CCSER1: variants seen among roughly 807,000 people sequenced by gnomAD.
CCSER1 encodes coiled-coil serine rich protein 1.
In CCSER1, 41 loss-of-function variants were observed where a neutral mutation model predicts 82.0. The observed-to-expected ratio is 0.50, with a 90% confidence interval of 0.39 to 0.65. The LOEUF (loss-of-function observed/expected upper bound fraction) is 0.65, where lower values mean the gene tolerates loss of function less well. Ranked by LOEUF, CCSER1 falls within the 30% of genes least tolerant of loss-of-function variation. CCSER1 has a pLI of 0.00. For synonymous variants in CCSER1, 414 were observed against 383.9 expected (o/e 1.08, Z -0.92); for missense variants, 1,119 against 1,064.2 (o/e 1.05, Z -0.72).
At chr4:90,170,857 A>G (rs1249308254) in intron 1 of CCSER1, among the ~76,000 whole-genome samples, 1 of 151,864 alleles carries the variant, frequency 6.6e-6, no homozygotes, top group Non-Finnish European at 1.5e-5. Flanking sequence ...TGACATACTG[A>G]TTTCCTTTCT....
intron 9 of CCSER1, among the ~76,000 whole-genome samples, chr4:91,044,769 G>A (rs180875672): frequency 1.3e-5 from 2 of 152,232 alleles, no homozygotes; most frequent in East Asian, 3.9e-4. Flanking sequence ...AGATCCACCT[G>A]TACATCTCAT....
At chr4:90,700,567 G>A (rs570345787) in intron 6 of CCSER1, among the ~76,000 whole-genome samples, 3 of 152,188 alleles carry the variant, frequency 2.0e-5, no homozygotes, top group Non-Finnish European at 4.4e-5. Flanking sequence ...TTGCCACACT[G>A]TCTTCCACAA....
chr4:91,109,171 G>A (rs986559451), intron 10 of CCSER1, among the ~76,000 whole-genome samples: 1 of 152,068 alleles, frequency 6.6e-6, no homozygotes, highest in African/African-American at 2.4e-5. Context: ...GAGGCCTTTG[G>A]ACTAGGACTG....
At chr4:90,997,398 A>G (rs996977903) in intron 9 of CCSER1, among the ~76,000 whole-genome samples, 1 of 152,134 alleles carries the variant, frequency 6.6e-6, no homozygotes, top group East Asian at 1.9e-4. Flanking sequence ...TCTTGTGAAC[A>G]CTTTGGATCC....
At chr4:91,533,656 G>A (rs1205883537) in intron 10 of CCSER1, among the ~76,000 whole-genome samples, 1 of 151,888 alleles carries the variant, frequency 6.6e-6, no homozygotes, top group African/African-American at 2.4e-5. Context: ...AATTGCTGGG[G>A]ACTTAAATTT....
chr4:90,403,936 A>G (rs1753320441), intron 4 of CCSER1: 2 of 152,186 alleles, frequency 1.3e-5, no homozygotes, highest in South Asian at 4.1e-4. Flanking sequence ...CTACCGCAGG[A>G]ACATACCAGG....
chr4:91,539,855 A>G (rs1761497704), intron 10 of CCSER1, among the ~76,000 whole-genome samples: 1 of 152,070 alleles, frequency 6.6e-6, no homozygotes. Context: ...CAGCTTATTG[A>G]ATCATTAGAG....
intron 8 of CCSER1, among the ~76,000 whole-genome samples, chr4:90,910,016 A>T (rs1357798819): frequency 6.6e-6 from 1 of 152,226 alleles, no homozygotes; most frequent in Non-Finnish European, 1.5e-5. Flanking sequence ...CCTAACAGGA[A>T]GCATGACTGG....
At chr4:91,140,698 C>T (rs1253191237) in intron 10 of CCSER1, among the ~76,000 whole-genome samples, 1 of 152,116 alleles carries the variant, frequency 6.6e-6, no homozygotes, top group African/African-American at 2.4e-5. Context: ...CATGTTTTTT[C>T]ACTGATTGCT....
chr4:91,497,362 A>G (rs1261499447), intron 10 of CCSER1, among the ~76,000 whole-genome samples: 2 of 151,762 alleles, frequency 1.3e-5, no homozygotes, highest in Non-Finnish European at 1.5e-5. Context: ...TAAAAAAAAT[A>G]CTGGTGCTAA....
In CCSER1 at chr4:90,524,539, G is replaced by T. The variant is rs184343998; in HGVS notation, c.1724+56185G>T. The stretch of plus-strand genomic sequence containing the variant: ...GCTGGAGTGCAGTGGTGTGATCTTG[G>T]CTCACTGCAACCTCAGCCTCCCAGG... On this transcript the variant is annotated intron_variant, in intron 5 of 10. Transcript: ENST00000509176. Among the ~76,000 whole-genome samples the T allele has an allele frequency of 5.3e-3, 802 of 152,190 alleles. 10 individuals carry two copies. The highest frequency in any genetic ancestry group is 0.019 in the African/African-American group (773 of 41,516).
chr4:91,465,303 T>C (rs113975662), intron 10 of CCSER1, among the ~76,000 whole-genome samples: 1,559 of 152,094 alleles, frequency 0.01, 11 homozygotes, highest in Middle Eastern at 0.02. Context: ...TTCTTTGAAA[T>C]CAATGGGAAC....
In CCSER1 at chr4:90,134,277, A is replaced by G. The variant is rs1460781798; in HGVS notation, c.-42+6446A>G. On this transcript the variant is annotated intron_variant, in intron 1 of 10. Coordinates refer to ENST00000509176, the MANE Select transcript of CCSER1 (RefSeq NM_001145065.2). Reference sequence around the variant, plus strand: ...AAACAGAGAAACTCTGAAGGAGTATATCTCCTCTTTCTTCCTAATTTAACC... The same window carrying G: ...AAACAGAGAAACTCTGAAGGAGTATGTCTCCTCTTTCTTCCTAATTTAACC... 2.6e-5 allele frequency among the ~76,000 whole-genome samples: 4 copies of G among 152,192 alleles called. No homozygotes were observed. In the East Asian group the frequency reaches 7.7e-4, roughly 29 times the overall value.
intron 10 of CCSER1, among the ~76,000 whole-genome samples, chr4:91,090,493 C>T (rs1388734506): frequency 6.6e-6 from 1 of 152,152 alleles, no homozygotes; most frequent in Non-Finnish European, 1.5e-5. Context: ...GACACCTAAG[C>T]CTTACTACAG....
intron 9 of CCSER1, among the ~76,000 whole-genome samples, chr4:91,031,258 A>G (rs1222896337): frequency 6.6e-6 from 1 of 152,128 alleles, no homozygotes; most frequent in East Asian, 1.9e-4. Context: ...TAAGCTTACA[A>G]ATTTATTAGG....
chr4:91,405,037 T>C (rs1752605140), intron 10 of CCSER1, among the ~76,000 whole-genome samples: 1 of 152,192 alleles, frequency 6.6e-6, no homozygotes, highest in African/African-American at 2.4e-5. Context: ...TGTAAGTCTC[T>C]TTGTAGGTCT....
chr4:91,083,824 A>T (rs1181497981), intron 9 of CCSER1, among the ~76,000 whole-genome samples: 1 of 152,278 alleles, frequency 6.6e-6, no homozygotes, highest in South Asian at 2.1e-4. Flanking sequence ...AGAGAAAAGG[A>T]GGTTTTACAA....
chr4:90,909,151 A>G lies in CCSER1; in HGVS notation c.2095-14219A>G, dbSNP rs531404062. ...TTCTAGTTTCTACCTCTGTCTTCAC[A>G]TGACCCTCTCTTCTGTGTGTCTGTG... On this transcript the variant is annotated intron_variant, in intron 8 of 10. Coordinates refer to ENST00000509176, the MANE Select transcript of CCSER1 (RefSeq NM_001145065.2). 2.0e-5 allele frequency among the ~76,000 whole-genome samples: 3 copies of G among 152,318 alleles called. No individual in the cohort carries two copies. The South Asian group carries it at 6.2e-4, about 32-fold the overall frequency.
chr4:90,905,139 C>G (rs558115462), intron 8 of CCSER1, among the ~76,000 whole-genome samples: 1 of 152,180 alleles, frequency 6.6e-6, no homozygotes, highest in African/African-American at 2.4e-5. Flanking sequence ...AAAGCATTTC[C>G]TCTAGACAAT....
Sources: allele counts gnomAD v4.1 joint callset (sites outside exome capture counted in the v4.1 genomes callset), GRCh38; gene constraint gnomAD v4.1.1; transcripts MANE v1.5; gene names NCBI Gene and HGNC (gene_info 2026-07-23, HGNC 2026-07-21).